The following PCNX1 variants were observed in gnomAD, a reference collection of about 807,000 sequenced individuals.
PCNX1 encodes pecanex 1.
PCNX1 carries 78 observed loss-of-function variants against 242.2 expected under a neutral mutation model. The observed-to-expected ratio is 0.32, with a 90% CI of 0.27 to 0.39. The LOEUF is 0.39. Ranked by LOEUF, PCNX1 falls within the 10% of genes least tolerant of loss-of-function variation. The pLI, the probability that PCNX1 is intolerant of heterozygous loss-of-function variation, is 1.00. For missense variants in PCNX1, 2,581 were observed against 2,856.5 expected, an observed-to-expected ratio of 0.90 and a Z score of 2.20; for synonymous variants, 1,024 against 1,032.9, an observed-to-expected ratio of 0.99 and a Z score of 0.17.
chr14:70,987,476 A>G (rs1387040803), intron 6 of PCNX1, among the ~76,000 whole-genome samples: 9 of 152,218 alleles, frequency 5.9e-5, no homozygotes, highest in African/African-American at 1.9e-4. Context: ...CATAGGCCAT[A>G]TATAATTTTT....
intron 26 of PCNX1, among the ~76,000 whole-genome samples, chr14:71,060,374 G>C (rs959296888): frequency 1.3e-5 from 2 of 151,860 alleles, no homozygotes; most frequent in Non-Finnish European, 2.9e-5. Context: ...TGTACTCCTT[G>C]TACTTAGAAA....
At chr14:71,016,724 C>T (rs1014347781) in intron 11 of PCNX1, among the ~76,000 whole-genome samples, 1 of 152,134 alleles carries the variant, frequency 6.6e-6, no homozygotes. Flanking sequence ...ATGCCACTAA[C>T]TTGCAGTACT....
At chr14:70,973,230 G>A (rs939674674) in intron 5 of PCNX1, among the ~76,000 whole-genome samples, 1 of 147,772 alleles carries the variant, frequency 6.8e-6, no homozygotes. Context: ...TCCAGCCTGA[G>A]TGACAGAGCA....
rs542928445 is a variant in PCNX1 at position 70,937,345 on chromosome 14, T to C, written c.154-9570T>C. Among the ~76,000 whole-genome samples the C allele has an allele frequency of 2.0e-5, 3 of 152,384 alleles. No homozygotes were observed. The South Asian group carries it at 6.2e-4, about 32-fold the overall frequency. On this transcript the variant is annotated intron_variant, in intron 1 of 35. Transcript: ENST00000304743. ...AGAAAGGGATCCAGTTTCAGCTTTC[T>C]ACCTATGGCTAGCCAGTTTTCCCAG...
intron 1 of PCNX1, among the ~76,000 whole-genome samples, chr14:70,924,564 A>G (rs2056513284): frequency 6.6e-6 from 1 of 152,100 alleles, no homozygotes; most frequent in African/African-American, 2.4e-5. Context: ...TGAACTAGTC[A>G]CCTTATATAA....
Position 70,977,157 on chromosome 14 carries a change from T to G in PCNX1, c.820T>G (p.Tyr274Asp), listed in dbSNP as rs1263718896. 1 of 1,614,176 alleles carries G rather than the reference T, an allele frequency of 6.2e-7. No homozygotes were observed. The highest frequency in any genetic ancestry group is 8.5e-7 in the Non-Finnish European group (1 of 1,180,028). The change falls in exon 6 of 36, where the codon TAT becomes GAT. Residue 274 changes from tyrosine (Y) to aspartate (D), a missense_variant. Transcript: ENST00000304743. ...ASLVPLHSHS[Y>D]RKDHRPRGVP... Reference sequence around the variant, plus strand: ...TCTTGTACCTTTACACTCACACTCTTATAGAAAAGACCACCGGCCGCGAGG... The same window carrying G: ...TCTTGTACCTTTACACTCACACTCTGATAGAAAAGACCACCGGCCGCGAGG...
intron 2 of PCNX1, among the ~76,000 whole-genome samples, chr14:70,949,429 G>T (rs971926690): frequency 6.7e-6 from 1 of 150,238 alleles, no homozygotes; most frequent in East Asian, 2.0e-4. Flanking sequence ...ATATATACAC[G>T]TATATATGTG....
At chr14:71,008,965 T>C (rs1057223032) in intron 8 of PCNX1, among the ~76,000 whole-genome samples, 4 of 152,180 alleles carry the variant, frequency 2.6e-5, no homozygotes, top group Non-Finnish European at 4.4e-5. Flanking sequence ...ATTAAAAAAA[T>C]CTGTATTCAT....
At position 70,946,931 on chromosome 14, in the gene PCNX1, T is replaced by C. The variant is rs1478050010; in HGVS notation, c.170T>C (p.Met57Thr). 1 of 1,611,012 alleles carries C rather than the reference T, an allele frequency of 6.2e-7. No individual in the cohort carries two copies. The highest frequency in any genetic ancestry group is 8.5e-7 in the Non-Finnish European group (1 of 1,177,248). ...CTCTTAAAGGCCCTTCCTTCTACCA[T>C]GATTATAGTAGCAGTTTATTGTCCT... is the stretch of plus-strand genomic sequence containing the variant. ...FTLYMALPSTMIIVAVYCPVI... is the reference protein window; with the variant it reads ...FTLYMALPSTTIIVAVYCPVI... The change falls in exon 2 of 36, where the codon ATG (methionine) becomes ACG (threonine). Residue 57 changes from methionine (M) to threonine (T), a missense_variant. By Grantham distance (81) the Met-to-Thr change is moderately conservative (BLOSUM62 -1). Around this residue, in one of 9 missense-constraint regions of PCNX1, gnomAD observed 1,204 missense variants for 1,216.7 expected, o/e 0.99. Coordinates refer to ENST00000304743, the MANE Select transcript of PCNX1 (RefSeq NM_014982.3).
chr14:71,109,654 G>A, intron 35 of PCNX1, 62 bp downstream of exon 35: 1 of 1,598,222 alleles, frequency 6.3e-7, no homozygotes, highest in Non-Finnish European at 8.6e-7. Flanking sequence ...GCCTCACTTG[G>A]ATGCATGGTT....
At position 71,110,181 on chromosome 14, in the gene PCNX1, G is replaced by A. The variant is rs1277556311; in HGVS notation, c.*246G>A. On this transcript the variant is annotated 3_prime_UTR_variant, in exon 36 of 36. Coordinates refer to ENST00000304743, the MANE Select transcript of PCNX1 (RefSeq NM_014982.3). The stretch of plus-strand genomic sequence containing the variant: ...CTGCCGAGAAAACATTTTGCATGAA[G>A]GATAAAGTTCTGTTAAAATACATCC... 1.5e-5 allele frequency: 8 copies of A among 538,498 alleles called. No homozygotes were observed. The highest frequency in any genetic ancestry group is 1.9e-5 in the African/African-American group (1 of 52,458). 33.4% of individuals were successfully genotyped at this position (538,498 alleles called of 1,614,324 possible). A position where few individuals can be genotyped will look rare whatever the true frequency, so the allele number is the denominator to read the frequency against.
At chr14:70,976,345 C>T (rs1315142059) in intron 5 of PCNX1, among the ~76,000 whole-genome samples, 2 of 149,730 alleles carry the variant, frequency 1.3e-5, no homozygotes, top group African/African-American at 2.5e-5. Flanking sequence ...TAAGTATAGT[C>T]CTTTGTTGCT....
chr14:71,016,853 T>G (rs1402608259), intron 11 of PCNX1, among the ~76,000 whole-genome samples: 1 of 151,766 alleles, frequency 6.6e-6, no homozygotes, highest in Non-Finnish European at 1.5e-5. Flanking sequence ...AAAAGAAAGG[T>G]AGTAGTAAGG....
chr14:70,986,090 T>C (rs1261141802), intron 6 of PCNX1, among the ~76,000 whole-genome samples: 1 of 152,228 alleles, frequency 6.6e-6, no homozygotes, highest in Non-Finnish European at 1.5e-5. Flanking sequence ...GGAATAGAAC[T>C]GGACCCCTAC....
At chr14:71,044,039 G>C (rs1373729893) in intron 19 of PCNX1, among the ~76,000 whole-genome samples, 1 of 152,172 alleles carries the variant, frequency 6.6e-6, no homozygotes, top group African/African-American at 2.4e-5. Flanking sequence ...CTTTGGCTTT[G>C]GTTCTGGTTG....
intron 28 of PCNX1, among the ~76,000 whole-genome samples, chr14:71,086,701 G>A (rs927620190): frequency 2.0e-5 from 3 of 152,108 alleles, no homozygotes; most frequent in African/African-American, 7.2e-5. Context: ...GAGTTCCCTC[G>A]CCTCCCTCTC....
At chr14:70,960,544 A>AC (rs1202180476) in intron 2 of PCNX1, among the ~76,000 whole-genome samples, 10 of 152,156 alleles carry the variant, frequency 6.6e-5, no homozygotes, top group African/African-American at 2.4e-4. Context: ...TCTATGACAA[A>AC]CCCACAGCCA....
intron 5 of PCNX1, among the ~76,000 whole-genome samples, chr14:70,971,825 G>A (rs1252361486): frequency 1.3e-5 from 2 of 152,194 alleles, no homozygotes; most frequent in African/African-American, 4.8e-5. Context: ...TAAAGCAAGA[G>A]CATGCCTGTC....
intron 1 of PCNX1, among the ~76,000 whole-genome samples, chr14:70,931,351 A>G (rs1169309217): frequency 1.3e-5 from 2 of 152,232 alleles, no homozygotes; most frequent in Non-Finnish European, 2.9e-5. Context: ...TCTTTTTCCC[A>G]TTAGTAATTT....
Sources: allele counts gnomAD v4.1 joint callset (sites outside exome capture counted in the v4.1 genomes callset), GRCh38; gene constraint gnomAD v4.1.1; regional missense constraint gnomAD v4.1.1; transcripts MANE v1.5; gene names NCBI Gene and HGNC (gene_info 2026-07-23, HGNC 2026-07-21).